The following GRM3 variants were observed in gnomAD, a reference collection of about 807,000 sequenced individuals.
GRM3 encodes the protein glutamate metabotropic receptor 3.
In GRM3, 26 loss-of-function variants were observed where a neutral mutation model predicts 70.5. The observed-to-expected ratio is 0.37, with a 90% confidence interval of 0.27 to 0.51. The LOEUF (loss-of-function observed/expected upper bound fraction) is 0.51. Among genes scored for constraint, GRM3 ranks in the 20% least tolerant of loss-of-function variants. The probability of loss-of-function intolerance (pLI) is 0.93; values close to 1 mark genes in which losing one functional copy is unlikely to be tolerated. For synonymous variants in GRM3, 443 were observed against 434.9 expected (o/e 1.02, Z -0.23); for missense variants, 859 against 1,123.8 (o/e 0.76, Z 3.37).
intron 1 of GRM3, among the ~76,000 whole-genome samples, chr7:86,710,371 A>G: frequency 6.6e-6 from 1 of 151,898 alleles, no homozygotes; most frequent in African/African-American, 2.4e-5. Flanking sequence ...TAAGTCTTCT[A>G]ATACAAATGA....
At chr7:86,654,852 T>C (rs980706524) in intron 1 of GRM3, among the ~76,000 whole-genome samples, 6 of 152,136 alleles carry the variant, frequency 3.9e-5, no homozygotes, top group African/African-American at 1.2e-4. Flanking sequence ...TATTATAGCA[T>C]GAACAATAAT....
intron 1 of GRM3, among the ~76,000 whole-genome samples, chr7:86,655,462 C>A (rs1793711756): frequency 6.6e-6 from 1 of 151,982 alleles, no homozygotes; most frequent in Admixed American, 6.6e-5. Context: ...CTCACTGCCC[C>A]TTTAAAAGGT....
At chr7:86,767,753 T>A (rs898364732) in intron 2 of GRM3, among the ~76,000 whole-genome samples, 1 of 151,954 alleles carries the variant, frequency 6.6e-6, no homozygotes, top group South Asian at 2.1e-4. Context: ...ACAGCAGATG[T>A]GTAAATATCC....
rs114049474 is a variant in GRM3, at chr7:86,787,319, G to A, written c.1324+203G>A. On this transcript the variant is annotated intron_variant, in intron 3 of 5. Transcript: ENST00000361669. ...TGAATGAACATCTCGGCTGGTACAC[G>A]ACATGGCAATGAAAGGGGCCCCAGG... is the stretch of plus-strand genomic sequence containing the variant. Among the ~76,000 whole-genome samples, 1,351 of 152,252 alleles carry A rather than the reference G, an allele frequency of 8.9e-3. 14 individuals carry two copies. Among genetic ancestry groups the A allele is most frequent in the African/African-American group, 0.031 (1,273 of 41,548 alleles).
Position 86,819,888 on chromosome 7 carries a change from G to A in GRM3, c.1325-18951G>A, listed in dbSNP as rs74476361. ...GAATAGAAGTTGGATATGTAAGGTT[G>A]GTGTCTGCCAAATTCTAGGTGAACC... On this transcript the variant is annotated intron_variant, in intron 3 of 5. Transcript: ENST00000361669. Among the ~76,000 whole-genome samples the A allele has an allele frequency of 2.9e-3, 448 of 152,240 alleles. 1 individual carries two copies. The highest frequency in any genetic ancestry group is 5.1e-3 in the Non-Finnish European group (344 of 67,994).
intron 3 of GRM3, among the ~76,000 whole-genome samples, chr7:86,831,538 G>A (rs1305398402): frequency 6.6e-6 from 1 of 152,042 alleles, no homozygotes; most frequent in Non-Finnish European, 1.5e-5. Context: ...GGTTAGCCCT[G>A]TCCCCTGAAT....
chr7:86,798,248 C>T (rs1297561865), intron 3 of GRM3, among the ~76,000 whole-genome samples: 2 of 152,154 alleles, frequency 1.3e-5, no homozygotes, highest in Non-Finnish European at 2.9e-5. Context: ...CTACCTACAG[C>T]TTGCACTGTG....
chr7:86,727,320 A>G (rs548045352), intron 1 of GRM3, among the ~76,000 whole-genome samples: 83 of 152,128 alleles, frequency 5.5e-4, no homozygotes, highest in Non-Finnish European at 9.9e-4. Context: ...CAGTTCCCCT[A>G]CCCCAGCCCC....
chr7:86,681,162 T>A (rs2115964749), intron 1 of GRM3, among the ~76,000 whole-genome samples: 1 of 152,230 alleles, frequency 6.6e-6, no homozygotes, highest in Non-Finnish European at 1.5e-5. Flanking sequence ...GTACCGTAAG[T>A]CCTGGCCAGC....
chr7:86,785,645 C>T (rs375550615), intron 2 of GRM3, among the ~76,000 whole-genome samples: 1 of 134,356 alleles, frequency 7.4e-6, no homozygotes, highest in Non-Finnish European at 1.5e-5. Context: ...TTTAGAAAAG[C>T]GTATGCCTAA....
chr7:86,779,465 G>A (rs1232936485), intron 2 of GRM3, among the ~76,000 whole-genome samples: 2 of 152,080 alleles, frequency 1.3e-5, no homozygotes, highest in Non-Finnish European at 2.9e-5. Flanking sequence ...ATTAGAAAAG[G>A]TTACATGGTA....
chr7:86,747,658 T>A (rs2116345905), intron 1 of GRM3, among the ~76,000 whole-genome samples: 1 of 152,230 alleles, frequency 6.6e-6, no homozygotes, highest in Middle Eastern at 3.4e-3. Flanking sequence ...CCTATTTGAC[T>A]GAATCCATTT....
chr7:86,688,171 G>C (rs1794610516), intron 1 of GRM3, among the ~76,000 whole-genome samples: 1 of 151,146 alleles, frequency 6.6e-6, no homozygotes, highest in South Asian at 2.1e-4. Context: ...AGAATTCTAA[G>C]CAAGTAAAAA....
intron 2 of GRM3, among the ~76,000 whole-genome samples, chr7:86,782,163 C>T (rs1797083639): frequency 6.6e-6 from 1 of 151,802 alleles, no homozygotes; most frequent in African/African-American, 2.4e-5. Context: ...TTTATATATC[C>T]AGAATTTGTC....
intron 1 of GRM3, among the ~76,000 whole-genome samples, chr7:86,653,696 ATAT>A (rs986597512): frequency 2.3e-4 from 28 of 123,926 alleles, no homozygotes; most frequent in Non-Finnish European, 1.5e-4. Flanking sequence ...CATTATATTA[ATAT>A]TAATATATTA....
rs534049342 is a variant in GRM3, at chr7:86,644,845, A to G, written c.-168A>G. On this transcript the variant is annotated 5_prime_UTR_variant, in exon 1 of 6. Coordinates refer to ENST00000361669, the MANE Select transcript of GRM3 (RefSeq NM_000840.3). ...CGCCGCTGCCACCGCGGTCAGCTCCAGTTCCTGCCAGGAGTTGTCGGTGCG... is the reference window on the plus strand; with the variant it reads ...CGCCGCTGCCACCGCGGTCAGCTCCGGTTCCTGCCAGGAGTTGTCGGTGCG... 2.3e-6 allele frequency: 3 copies of G among 1,289,484 alleles called. No individual in the cohort carries two copies. In the African/African-American group the frequency reaches 4.5e-5, roughly 20 times the overall value. The allele number at this position is 1,289,484 out of a possible 1,614,324, so 79.9% of individuals were successfully genotyped here. A position where few individuals can be genotyped will look rare whatever the true frequency, so the allele number is the denominator to read the frequency against.
intron 1 of GRM3, among the ~76,000 whole-genome samples, chr7:86,676,624 CCT>C (rs1329031529): frequency 6.6e-6 from 1 of 151,848 alleles, no homozygotes; most frequent in Admixed American, 6.6e-5. Flanking sequence ...CCGATATTAG[CCT>C]CTCTTTTAAG....
intron 1 of GRM3, among the ~76,000 whole-genome samples, chr7:86,754,175 C>T (rs1462833417): frequency 2.0e-5 from 3 of 152,078 alleles, no homozygotes; most frequent in African/African-American, 4.8e-5. Context: ...CACAAGTTGA[C>T]TTCTATTTGA....
At chr7:86,850,962 A>C (rs1023754179) in intron 5 of GRM3, among the ~76,000 whole-genome samples, 8 of 152,134 alleles carry the variant, frequency 5.3e-5, no homozygotes, top group Non-Finnish European at 1.5e-5. Context: ...AATATATTAT[A>C]TGTCACACAG....
Sources: gnomAD v4.1 joint callset for allele counts (sites outside exome capture counted in the v4.1 genomes callset) on GRCh38, gnomAD v4.1.1 for gene constraint, MANE v1.5 for transcripts, NCBI Gene and HGNC (gene_info 2026-07-23, HGNC 2026-07-21) for gene names.